Variants in GGNBP2 observed in about 807,000 individuals in gnomAD.
GGNBP2 encodes gametogenetin-binding protein 2.
In GGNBP2, 10 loss-of-function variants were observed where a neutral mutation model predicts 85.9. The observed-to-expected ratio is 0.12, with a 90% CI of 0.07 to 0.20. The LOEUF (loss-of-function observed/expected upper bound fraction) is 0.20. Ranked by LOEUF, GGNBP2 falls within the 10% of genes least tolerant of loss-of-function variation. The pLI is 1.00. For missense variants in GGNBP2, 595 were observed against 857.8 expected (o/e 0.69, Z 3.83); for synonymous variants, 287 against 285.7 (o/e 1.00, Z -0.05).
At chr17:36,573,240 GTAGC>G (rs1046413554) in intron 6 of GGNBP2, among the ~76,000 whole-genome samples, 20 of 152,208 alleles carry the variant, frequency 1.3e-4, no homozygotes, top group African/African-American at 4.8e-4. Flanking sequence ...AGCCTCCTGA[GTAGC>G]TGGGATTACA....
At chr17:36,551,951 G>A (rs1478733452) in intron 2 of GGNBP2, among the ~76,000 whole-genome samples, 1 of 152,142 alleles carries the variant, frequency 6.6e-6, no homozygotes, top group African/African-American at 2.4e-5. Flanking sequence ...CAGAATTTAG[G>A]ATTTTGCCTA....
chr17:36,582,886 G>A (rs1599548887), intron 9 of GGNBP2, among the ~76,000 whole-genome samples: 1 of 151,982 alleles, frequency 6.6e-6, no homozygotes, highest in South Asian at 2.1e-4. Flanking sequence ...AATATTTACT[G>A]TATTAGAAAT....
At position 36,581,285 on chromosome 17, in the gene GGNBP2, A is replaced by C. The variant is rs76574496; in HGVS notation, c.1021-59A>C. 4 of 913,262 alleles carry C rather than the reference A, an allele frequency of 4.4e-6. No homozygotes were observed. In the Admixed American group the frequency reaches 1.1e-4, roughly 26 times the overall value. 56.6% of individuals were successfully genotyped at this position (913,262 alleles called of 1,614,324 possible). A position where few individuals can be genotyped will look rare whatever the true frequency, so the allele number is the denominator to read the frequency against. ...GGGCGACAGAGCAAGATTCCGTCTC[A>C]AAAAAAAAAGAAAAGAAGTTCTGAC... On this transcript the variant is annotated intron_variant, in intron 8 of 13. Coordinates refer to ENST00000613102, the MANE Select transcript of GGNBP2 (RefSeq NM_024835.5).
At chr17:36,576,593 A>ATGTGTGTGTGTG (rs1401978308) in intron 6 of GGNBP2, 5 of 46,020 alleles carry the variant, frequency 1.1e-4, no homozygotes, top group African/African-American at 3.7e-4. Context: ...AAATATATAT[A>ATGTGTGTGTGTG]TATGTGTGTG....
intron 2 of GGNBP2, among the ~76,000 whole-genome samples, chr17:36,550,098 C>T (rs921113107): frequency 9.2e-5 from 14 of 151,936 alleles, no homozygotes; most frequent in Non-Finnish European, 1.8e-4. Flanking sequence ...CCACCATGCC[C>T]GGCTAGTTTT....
At chr17:36,567,986 C>T (rs969161288) in intron 6 of GGNBP2, among the ~76,000 whole-genome samples, 2 of 151,340 alleles carry the variant, frequency 1.3e-5, no homozygotes, top group East Asian at 3.9e-4. Context: ...AGTACAGTGG[C>T]GCGATCTCGG....
chr17:36,557,946 T>TA (rs2074379154), intron 4 of GGNBP2, among the ~76,000 whole-genome samples: 1 of 151,692 alleles, frequency 6.6e-6, no homozygotes, highest in African/African-American at 2.4e-5. Flanking sequence ...ACCCCATCTC[T>TA]ACTAAAAATA....
At chr17:36,559,274 G>A (rs929108050) in intron 4 of GGNBP2, among the ~76,000 whole-genome samples, 2 of 138,690 alleles carry the variant, frequency 1.4e-5, no homozygotes, top group Middle Eastern at 3.9e-3. Flanking sequence ...TCCAGCGTGG[G>A]CAACAGAGCG....
At position 36,545,677 on chromosome 17, in the gene GGNBP2, G is replaced by T; in HGVS notation, c.-48G>T. On this transcript the variant is annotated 5_prime_UTR_variant, in exon 2 of 14. Transcript: ENST00000613102. ...CAGAAACAGCAGCGGCGGCGGCGGC[G>T]GCAGCTGGGAGGAGGTGGTGACGGT... 7.1e-7 allele frequency: 1 copy of T among 1,407,262 alleles called. No homozygotes were observed. The highest frequency in any genetic ancestry group is 9.8e-7 in the Non-Finnish European group (1 of 1,018,284). The allele number at this position is 1,407,262 out of a possible 1,614,324, so 87.2% of individuals were successfully genotyped here. A position where few individuals can be genotyped will look rare whatever the true frequency, so the allele number is the denominator to read the frequency against.
Position 36,575,055 on chromosome 17 carries a change from A to G in GGNBP2, c.642-2928A>G, listed in dbSNP as rs569854004. The G allele has an allele frequency of 1.2e-4, 146 of 1,222,860 alleles. No homozygotes were observed. In the African/African-American group the frequency reaches 1.8e-3, roughly 15 times the overall value. 75.8% of individuals were successfully genotyped at this position (1,222,860 alleles called of 1,614,324 possible). ...TCCTTGAGAGAGGCCCCCAGGAAAA[A>G]GTTAGTGATCTCAGATTCCTTCATG... On this transcript the variant is annotated intron_variant, in intron 6 of 13. Coordinates refer to ENST00000613102, the MANE Select transcript of GGNBP2 (RefSeq NM_024835.5).
chr17:36,576,826 G>A (rs2074596338), intron 6 of GGNBP2: 1 of 151,694 alleles, frequency 6.6e-6, no homozygotes, highest in African/African-American at 2.4e-5. Context: ...TTCCAGCCTG[G>A]GTGACTCTGA....
At chr17:36,577,270 C>T (rs1032538022) in intron 6 of GGNBP2, 1 of 152,142 alleles carries the variant, frequency 6.6e-6, no homozygotes. Flanking sequence ...AAGAAATTTT[C>T]TTCCTTCTCT....
intron 4 of GGNBP2, among the ~76,000 whole-genome samples, chr17:36,560,291 C>G (rs1053050445): frequency 1.3e-5 from 2 of 152,262 alleles, no homozygotes; most frequent in Admixed American, 1.3e-4. Flanking sequence ...GTAGAATTGG[C>G]AAACTTTGCT....
intron 8 of GGNBP2, among the ~76,000 whole-genome samples, chr17:36,580,718 G>A (rs992713254): frequency 5.3e-5 from 8 of 151,438 alleles, no homozygotes; most frequent in East Asian, 2.0e-4. Context: ...CCAGGAGTTC[G>A]AGACCAACCT....
intron 6 of GGNBP2, chr17:36,576,641 A>ATATGTATATATATG (rs2074593095): frequency 7.7e-6 from 1 of 129,742 alleles, no homozygotes; most frequent in Non-Finnish European, 1.6e-5. Context: ...ATATGTATAT[A>ATATGTATATATATG]TGTATATGTA....
At chr17:36,545,868 CCCT>C (rs2074248577) in intron 2 of GGNBP2, 51 bp downstream of exon 2, 1 of 1,248,996 alleles carries the variant, frequency 8.0e-7, no homozygotes, top group African/African-American at 1.5e-5. Context: ...CAGCTGTTTC[CCCT>C]CCTCCCCCTC....
chr17:36,548,795 A>T (rs2074280471), intron 2 of GGNBP2, among the ~76,000 whole-genome samples: 1 of 151,842 alleles, frequency 6.6e-6, no homozygotes, highest in Non-Finnish European at 1.5e-5. Context: ...ATACAAAAAA[A>T]TCAGTGGGTG....
At position 36,584,491 on chromosome 17, in the gene GGNBP2, C is replaced by T. The variant is rs187066748; in HGVS notation, c.1216-809C>T. On this transcript the variant is annotated intron_variant, in intron 9 of 13. Coordinates refer to ENST00000613102, the MANE Select transcript of GGNBP2 (RefSeq NM_024835.5). Reference sequence around the variant, plus strand: ...TAGCTGGGATTACATGCGCCTGCCACCTTGCCCGGCTAATTTTTGTATTTT... The same window carrying T: ...TAGCTGGGATTACATGCGCCTGCCATCTTGCCCGGCTAATTTTTGTATTTT... 2.5e-3 allele frequency among the ~76,000 whole-genome samples: 376 copies of T among 152,306 alleles called. 1 individual carries two copies. The highest frequency in any genetic ancestry group is 8.6e-3 in the African/African-American group (358 of 41,548).
At chr17:36,577,157 C>T (rs1273293849) in intron 6 of GGNBP2, 1 of 152,126 alleles carries the variant, frequency 6.6e-6, no homozygotes, top group African/African-American at 2.4e-5. Flanking sequence ...TTATTGTGAG[C>T]CTGGCTTTTC....
Sources: gnomAD v4.1 joint callset for allele counts (sites outside exome capture counted in the v4.1 genomes callset) on GRCh38, gnomAD v4.1.1 for gene constraint, MANE v1.5 for transcripts, NCBI Gene and HGNC (gene_info 2026-07-23, HGNC 2026-07-21) for gene names.